CSMD1: variants seen among roughly 807,000 people sequenced by gnomAD.
The protein encoded by CSMD1 is CUB and sushi domain-containing protein 1.
Under a neutral mutation model 417.5 loss-of-function variants are expected in CSMD1, and 213 were observed. The ratio of observed to expected loss-of-function variants is 0.51; its 90% CI spans 0.46 to 0.57. The LOEUF is 0.57. Ranked by LOEUF, CSMD1 falls within the 20% of genes least tolerant of loss-of-function variation. The probability of loss-of-function intolerance (pLI) is 0.00; values close to 1 mark genes in which losing one functional copy is unlikely to be tolerated. For missense variants in CSMD1, 6,923 were observed against 4,529.7 expected (o/e 1.53, Z -15.17); for synonymous variants, 2,862 against 1,736.8 (o/e 1.65, Z -16.11).
chr8:4,136,301 G>A (rs1012909480), intron 3 of CSMD1, among the ~76,000 whole-genome samples: 2 of 152,160 alleles, frequency 1.3e-5, no homozygotes, highest in South Asian at 2.1e-4. Context: ...TCTTTTTTTA[G>A]CTTCCAGATT....
At chr8:3,192,216 A>T (rs1183511455) in intron 33 of CSMD1, among the ~76,000 whole-genome samples, 3 of 152,252 alleles carry the variant, frequency 2.0e-5, no homozygotes, top group Non-Finnish European at 4.4e-5. Flanking sequence ...GATTTATCAG[A>T]ATCATTCTTC....
At chr8:4,332,859 T>C (rs1252722466) in intron 3 of CSMD1, among the ~76,000 whole-genome samples, 3 of 151,388 alleles carry the variant, frequency 2.0e-5, no homozygotes, top group Non-Finnish European at 4.4e-5. Context: ...TTCCCAATCA[T>C]CTACACAAAG....
At chr8:4,177,711 G>A (rs532498711) in intron 3 of CSMD1, among the ~76,000 whole-genome samples, 30 of 148,096 alleles carry the variant, frequency 2.0e-4, no homozygotes, top group African/African-American at 3.3e-4. Context: ...AAAGAGACAA[G>A]AATCAAATAG....
intron 5 of CSMD1, among the ~76,000 whole-genome samples, chr8:3,893,489 G>A (rs1807138149): frequency 1.3e-5 from 2 of 151,332 alleles, no homozygotes; most frequent in African/African-American, 2.4e-5. Flanking sequence ...AGCAAAACCA[G>A]AACATTTATT....
chr8:3,690,179 C>G (rs1236120513), intron 7 of CSMD1, among the ~76,000 whole-genome samples: 1 of 152,082 alleles, frequency 6.6e-6, no homozygotes, highest in African/African-American at 2.4e-5. Context: ...GGCAACAGGG[C>G]AAGGCCCTGT....
intron 3 of CSMD1, among the ~76,000 whole-genome samples, chr8:4,389,846 T>C (rs1221146185): frequency 1.3e-5 from 2 of 152,202 alleles, no homozygotes; most frequent in African/African-American, 4.8e-5. Flanking sequence ...TCTACATGAA[T>C]ATTACAAACT....
At chr8:3,409,056 G>C (rs1038167781) in intron 13 of CSMD1, among the ~76,000 whole-genome samples, 1 of 152,096 alleles carries the variant, frequency 6.6e-6, no homozygotes, top group Non-Finnish European at 1.5e-5. Context: ...TGAACAACTT[G>C]TGTTTAAGTG....
intron 5 of CSMD1, among the ~76,000 whole-genome samples, chr8:3,886,028 TAC>T (rs1455002414): frequency 1.3e-5 from 2 of 151,788 alleles, no homozygotes; most frequent in Non-Finnish European, 2.9e-5. Flanking sequence ...TATATATACA[TAC>T]ATATATATAT....
chr8:3,998,142 C>G (rs1426786254), intron 4 of CSMD1, 32 bp from the exon 5 acceptor site: 6 of 1,531,282 alleles, frequency 3.9e-6, no homozygotes, highest in Non-Finnish European at 5.3e-6. Context: ...GAAAGCATCA[C>G]ATTTCAGGAT....
chr8:3,996,431 A>G (rs1425482008), intron 5 of CSMD1, among the ~76,000 whole-genome samples: 1 of 111,294 alleles, frequency 9.0e-6, no homozygotes, highest in African/African-American at 3.5e-5. Context: ...TGCTTAATAA[A>G]TTCATTTTTA....
chr8:4,061,921 C>T (rs551924000), intron 3 of CSMD1, among the ~76,000 whole-genome samples: 1 of 152,112 alleles, frequency 6.6e-6, no homozygotes, highest in Non-Finnish European at 1.5e-5. Context: ...ATCAATTATG[C>T]ATTACTGACT....
chr8:3,681,669 C>G (rs1291212549), intron 7 of CSMD1, among the ~76,000 whole-genome samples: 3 of 152,120 alleles, frequency 2.0e-5, no homozygotes. Context: ...TGACTTTCTT[C>G]ACAGAATTGG....
At chr8:4,597,772 A>G (rs1800365688) in intron 2 of CSMD1, among the ~76,000 whole-genome samples, 1 of 152,110 alleles carries the variant, frequency 6.6e-6, no homozygotes, top group Non-Finnish European at 1.5e-5. Flanking sequence ...AAGTAATGGG[A>G]TGACTTTCAT....
In CSMD1 at chr8:4,038,057, A is replaced by T. The variant is rs911017141; in HGVS notation, c.416-5958T>A. On this transcript the variant is annotated intron_variant, in intron 3 of 69. Transcript: ENST00000635120. ...AATAAGTATCAGAGGCTTAAAATTA[A>T]TTCAAAAAGTTTGGAAGTAAAATAA... Among the ~76,000 whole-genome samples, 3 of 152,182 alleles carry T rather than the reference A, an allele frequency of 2.0e-5. 1 individual carries two copies. The South Asian group carries it at 6.2e-4, about 31-fold the overall frequency.
chr8:4,057,946 A>T (rs1020117942), intron 3 of CSMD1, among the ~76,000 whole-genome samples: 7 of 150,826 alleles, frequency 4.6e-5, no homozygotes, highest in African/African-American at 1.7e-4. Flanking sequence ...GCCTTGTAGC[A>T]TAGTTTGAAG....
At chr8:4,528,560 C>T (rs1796635679) in intron 2 of CSMD1, among the ~76,000 whole-genome samples, 2 of 152,044 alleles carry the variant, frequency 1.3e-5, no homozygotes, top group Admixed American at 6.6e-5. Flanking sequence ...AAGGGTAGAT[C>T]TTATGTTAAT....
chr8:3,548,152 G>T (rs115242110), intron 10 of CSMD1, among the ~76,000 whole-genome samples: 19 of 152,154 alleles, frequency 1.2e-4, no homozygotes, highest in African/African-American at 4.3e-4. Flanking sequence ...ATCGGTACAT[G>T]TAACAATGTT....
At chr8:4,138,543 A>AT (rs1380243090) in intron 3 of CSMD1, among the ~76,000 whole-genome samples, 3 of 152,140 alleles carry the variant, frequency 2.0e-5, no homozygotes, top group Admixed American at 6.5e-5. Flanking sequence ...AGTGATGGCT[A>AT]TTTTATCTAA....
intron 1 of CSMD1, among the ~76,000 whole-genome samples, chr8:4,897,315 A>G (rs1035896060): frequency 6.6e-6 from 1 of 152,114 alleles, no homozygotes. Flanking sequence ...AATAAAATAG[A>G]GTTTTACCAA....
Sources: allele counts gnomAD v4.1 joint callset (sites outside exome capture counted in the v4.1 genomes callset), GRCh38; gene constraint gnomAD v4.1.1; transcripts MANE v1.5; gene names NCBI Gene and HGNC (gene_info 2026-07-23, HGNC 2026-07-21).